The following NCAM1 variants were observed in gnomAD, a reference collection of about 807,000 sequenced individuals.
The protein encoded by NCAM1 is antigen recognized by monoclonal antibody 5.1H11.
Under a neutral mutation model 109.8 loss-of-function variants are expected in NCAM1, and 14 were observed. The ratio of observed to expected loss-of-function variants is 0.13; its 90% CI spans 0.08 to 0.20. The LOEUF (loss-of-function observed/expected upper bound fraction) is 0.20, where lower values mean the gene tolerates loss of function less well. Ranked by LOEUF, NCAM1 falls within the 10% of genes least tolerant of loss-of-function variation. NCAM1 has a pLI of 1.00. For synonymous variants in NCAM1, 418 were observed against 442.9 expected (o/e 0.94, Z 0.70); for missense variants, 774 against 1,109.9 (o/e 0.70, Z 4.30).
intron 1 of NCAM1, among the ~76,000 whole-genome samples, chr11:112,995,195 G>A (rs1018054846): frequency 1.3e-4 from 20 of 149,408 alleles, no homozygotes; most frequent in African/African-American, 2.4e-4. Flanking sequence ...CCTACCCCCC[G>A]CCACTGGAAT....
intron 17 of NCAM1, chr11:113,263,791 C>A (rs937511754): frequency 4.1e-6 from 4 of 985,418 alleles, no homozygotes; most frequent in Non-Finnish European, 4.8e-6. Context: ...TTGGAAGCAT[C>A]CACTGTGAAC....
intron 1 of NCAM1, among the ~76,000 whole-genome samples, chr11:113,177,465 C>T (rs191950433): frequency 1.1e-3 from 165 of 152,260 alleles, no homozygotes; most frequent in Non-Finnish European, 1.7e-3. Flanking sequence ...GCTGGAGTCT[C>T]GCTCTGTCAT....
intron 1 of NCAM1, among the ~76,000 whole-genome samples, chr11:113,186,724 T>C (rs1316368750): frequency 6.6e-6 from 1 of 152,222 alleles, no homozygotes; most frequent in Non-Finnish European, 1.5e-5. Context: ...CCCTCTATTC[T>C]GTTCAGTCTA....
intron 1 of NCAM1, among the ~76,000 whole-genome samples, chr11:112,985,306 A>C (rs782806146): frequency 1.4e-4 from 21 of 148,646 alleles, no homozygotes; most frequent in Non-Finnish European, 2.2e-4. Flanking sequence ...ACTTTGTAGT[A>C]GATTTTGAAA....
At chr11:112,965,279 A>T (rs1179771818) in intron 1 of NCAM1, among the ~76,000 whole-genome samples, 1 of 152,174 alleles carries the variant, frequency 6.6e-6, no homozygotes, top group Non-Finnish European at 1.5e-5. Context: ...TGAAAAAAAA[A>T]TGATGTGGGT....
In NCAM1 at chr11:113,273,930, C is replaced by G. The variant is rs889667654; in HGVS notation, c.2457-1337C>G. On this transcript the variant is annotated intron_variant, in intron 19 of 19. Coordinates refer to ENST00000316851, the MANE Select transcript of NCAM1 (RefSeq NM_181351.5). The surrounding 1 kb of genome is among the most constrained non-coding windows in gnomAD (Gnocchi z 6.0). ...AGGACAGGCAGCTGGGCCCCAGGAG[C>G]AGCCGCCTGCTGGCTAATTAGGCCA... 2 of 168,370 alleles carry G rather than the reference C, an allele frequency of 1.2e-5. No homozygotes were observed. Among genetic ancestry groups the G allele is most frequent in the Non-Finnish European group, 2.6e-5 (2 of 76,606 alleles). 10.4% of individuals were successfully genotyped at this position (168,370 alleles called of 1,614,324 possible). A position where few individuals can be genotyped will look rare whatever the true frequency, so the allele number is the denominator to read the frequency against.
chr11:112,962,373 G>T lies in NCAM1; in HGVS notation c.52+709G>T, dbSNP rs1341203207. On this transcript the variant is annotated intron_variant, in intron 1 of 19. Transcript: ENST00000316851. The surrounding 1 kb of genome is among the most constrained non-coding windows in gnomAD (Gnocchi z 5.6). Reference sequence around the variant, plus strand: ...CTGAAGGATGGGAGGGTCGAGCGCCGCGTTTTGACAGGAGGAAGTGCGGAG... The same window carrying T: ...CTGAAGGATGGGAGGGTCGAGCGCCTCGTTTTGACAGGAGGAAGTGCGGAG... Among the ~76,000 whole-genome samples the T allele has an allele frequency of 2.0e-5, 3 of 152,128 alleles. No individual in the cohort carries two copies. In the East Asian group the frequency reaches 5.8e-4, roughly 30 times the overall value.
At chr11:113,221,403 C>T in intron 9 of NCAM1, 78 bp downstream of exon 9, 1 of 1,425,300 alleles carries the variant, frequency 7.0e-7, no homozygotes, top group South Asian at 1.2e-5. Flanking sequence ...GTTTAATAAC[C>T]AGACATGCTA....
intron 1 of NCAM1, among the ~76,000 whole-genome samples, chr11:113,102,588 A>G (rs1457645081): frequency 1.3e-5 from 2 of 152,216 alleles, no homozygotes; most frequent in Non-Finnish European, 2.9e-5. Context: ...TTGATATGCC[A>G]GGTGGACTTC....
Position 113,262,751 on chromosome 11 carries a change from C to T in NCAM1, c.2131+2428C>T. 3 of 1,383,964 alleles carry T rather than the reference C, an allele frequency of 2.2e-6. No homozygotes were observed. In the South Asian group the frequency reaches 4.0e-5, roughly 19 times the overall value. The allele number at this position is 1,383,964 out of a possible 1,614,324, so 85.7% of individuals were successfully genotyped here. A position where few individuals can be genotyped will look rare whatever the true frequency, so the allele number is the denominator to read the frequency against. ...TCCCCTTCCTGTGTCTGTCGTCACACTTGTCACCTTGGACGTCACTGGGAC... is the reference window on the plus strand; with the variant it reads ...TCCCCTTCCTGTGTCTGTCGTCACATTTGTCACCTTGGACGTCACTGGGAC... On this transcript the variant is annotated intron_variant, in intron 17 of 19. Transcript: ENST00000316851.
chr11:113,206,303 A>C, intron 5 of NCAM1, 123 bp downstream of exon 5: 1 of 981,134 alleles, frequency 1.0e-6, no homozygotes, highest in South Asian at 2.2e-5. Flanking sequence ...CATCCGTCTG[A>C]GCTAAATCCC....
intron 1 of NCAM1, among the ~76,000 whole-genome samples, chr11:112,987,351 G>C (rs1173883621): frequency 6.6e-6 from 1 of 152,126 alleles, no homozygotes; most frequent in Non-Finnish European, 1.5e-5. Flanking sequence ...GTGTGCTCGA[G>C]AAGATTGTGT....
chr11:113,014,488 C>T (rs1591247883), intron 1 of NCAM1, among the ~76,000 whole-genome samples: 1 of 152,140 alleles, frequency 6.6e-6, no homozygotes, highest in South Asian at 2.1e-4. Context: ...AAAACAGCCA[C>T]GGGCCTCCTT....
At chr11:113,093,968 C>A (rs1027022495) in intron 1 of NCAM1, among the ~76,000 whole-genome samples, 2 of 152,306 alleles carry the variant, frequency 1.3e-5, no homozygotes, top group East Asian at 3.9e-4. Context: ...CAACTCCCAC[C>A]CCTGAACAAA....
intron 1 of NCAM1, among the ~76,000 whole-genome samples, chr11:113,116,496 A>C (rs1203521018): frequency 2.6e-5 from 4 of 152,252 alleles, no homozygotes; most frequent in African/African-American, 9.6e-5. Context: ...CAGCTGGCAC[A>C]TATTTTCAAG....
chr11:112,964,145 T>G (rs1294425274), intron 1 of NCAM1, among the ~76,000 whole-genome samples: 6 of 14,966 alleles, frequency 4.0e-4, no homozygotes, highest in African/African-American at 1.5e-3. Context: ...TTTTTGTTTT[T>G]TTTTTTTTTG....
chr11:112,995,194 C>A (rs551398547), intron 1 of NCAM1, among the ~76,000 whole-genome samples: 22 of 152,036 alleles, frequency 1.4e-4, no homozygotes, highest in African/African-American at 4.6e-4. Context: ...TCCTACCCCC[C>A]GCCACTGGAA....
At chr11:113,203,930 T>G (rs868915428) in intron 2 of NCAM1, among the ~76,000 whole-genome samples, 1 of 152,204 alleles carries the variant, frequency 6.6e-6, no homozygotes, top group Non-Finnish European at 1.5e-5. Context: ...CTAATTCCCT[T>G]GGTTACCCGT....
At chr11:112,985,253 C>T (rs1555069408) in intron 1 of NCAM1, among the ~76,000 whole-genome samples, 2 of 143,202 alleles carry the variant, frequency 1.4e-5, no homozygotes, top group Non-Finnish European at 1.5e-5. Context: ...GTCTATGTAT[C>T]TTTTTTTTTT....
Sources: allele counts gnomAD v4.1 joint callset (sites outside exome capture counted in the v4.1 genomes callset), GRCh38; gene constraint gnomAD v4.1.1; non-coding constraint Gnocchi (gnomAD v3.1); transcripts MANE v1.5; gene names NCBI Gene and HGNC (gene_info 2026-07-23, HGNC 2026-07-21).